The following CTCF variants were observed in gnomAD, a reference collection of about 807,000 sequenced individuals.
The protein encoded by CTCF is transcriptional repressor CTCF.
A neutral mutation model predicts 72.3 loss-of-function variants in CTCF; 7 were observed. The observed-to-expected ratio is 0.10, with a 90% confidence interval of 0.06 to 0.18. The LOEUF (loss-of-function observed/expected upper bound fraction) is 0.18. CTCF is among the 10% of genes least tolerant of loss of function. CTCF has a pLI of 1.00. For missense variants in CTCF, 516 were observed against 949.1 expected (o/e 0.54, Z 6.00); for synonymous variants, 374 against 315.8 (o/e 1.18, Z -1.95).
rs1403870308 is a variant in CTCF at position 67,576,923 on chromosome 16, CAA to C, written c.-10+5660_-10+5661del. On this transcript the variant is annotated intron_variant, in intron 2 of 11. Transcript: ENST00000264010. Reference sequence around the variant, plus strand: ...AGTACAAAGAAAGCAGATTATCAAACAATATGTATGGTATGATCTCGTGAGAG... The same window carrying C: ...AGTACAAAGAAAGCAGATTATCAAACTATGTATGGTATGATCTCGTGAGAG... Among the ~76,000 whole-genome samples, 3 of 152,004 alleles carry C rather than the reference CAA, an allele frequency of 2.0e-5. No homozygotes were observed. The East Asian group carries it at 5.8e-4, about 29-fold the overall frequency.
intron 10 of CTCF, among the ~76,000 whole-genome samples, chr16:67,631,028 G>A (rs905903379): frequency 6.6e-6 from 1 of 152,128 alleles, no homozygotes; most frequent in African/African-American, 2.4e-5. Context: ...TGATAGTCTA[G>A]GGATTCTTCA....
intron 2 of CTCF, among the ~76,000 whole-genome samples, chr16:67,597,239 T>A (rs1172679531): frequency 6.6e-6 from 1 of 152,130 alleles, no homozygotes; most frequent in African/African-American, 2.4e-5. Context: ...TATCTCCATG[T>A]TTCCCAAGCC....
In CTCF at chr16:67,611,576, T is replaced by C; in HGVS notation, c.744T>C (p.Asn248=). 1 of 1,613,952 alleles carries C rather than the reference T, an allele frequency of 6.2e-7. No homozygotes were observed. Among genetic ancestry groups the C allele is most frequent in the East Asian group, 2.2e-5 (1 of 44,886 alleles). ...SEVNAEKVVG[N]MKPPKPTKIK... ...TTAATGCAGAGAAAGTGGTTGGTAA[T>C]ATGAAGCCTCCAAAGCCAACAAAAA... Residue 248 remains asparagine (N), a synonymous_variant, in exon 3 of 12, where the codon AAT becomes AAC. Coordinates refer to ENST00000264010, the MANE Select transcript of CTCF (RefSeq NM_006565.4).
At chr16:67,610,647 C>G (rs2052049448) in intron 2 of CTCF, 177 bp from the exon 3 acceptor site, 2 of 351,032 alleles carry the variant, frequency 5.7e-6, no homozygotes, top group East Asian at 9.3e-5. Flanking sequence ...AGCCACTGCA[C>G]CTGGCCAGTA....
Position 67,628,358 on chromosome 16 carries a change from A to T in CTCF, c.1519-12A>T, listed in dbSNP as rs368261855. Reference sequence around the variant, plus strand: ...AGCAGGCTCTGAGGCCTTTCCCCCTATGCCGTTTCAGGAGAGGCACATGAT... The same window carrying T: ...AGCAGGCTCTGAGGCCTTTCCCCCTTTGCCGTTTCAGGAGAGGCACATGAT... On this transcript the variant is annotated splice_polypyrimidine_tract_variant and intron_variant, in intron 8 of 11. Coordinates refer to ENST00000264010, the MANE Select transcript of CTCF (RefSeq NM_006565.4). 2.5e-6 allele frequency: 4 copies of T among 1,611,532 alleles called. No individual in the cohort carries two copies. Among genetic ancestry groups the T allele is most frequent in the Non-Finnish European group, 3.4e-6 (4 of 1,177,870 alleles).
intron 6 of CTCF, chr16:67,621,123 T>G (rs913712612): frequency 3.8e-5 from 14 of 365,088 alleles, no homozygotes; most frequent in Non-Finnish European, 6.9e-5. Flanking sequence ...TAACCTACCT[T>G]ATTCAGTTTT....
At chr16:67,610,632 G>A in intron 2 of CTCF, 192 bp from the exon 3 acceptor site, 1 of 291,250 alleles carries the variant, frequency 3.4e-6, no homozygotes, top group Non-Finnish European at 6.3e-6. Flanking sequence ...GGGATTACAG[G>A]CGTGAGCCAC....
chr16:67,636,685 A>G lies in CTCF; in HGVS notation c.1838-5A>G. 6.3e-7 allele frequency: 1 copy of G among 1,583,118 alleles called. No homozygotes were observed. The highest frequency in any genetic ancestry group is 1.2e-5 in the South Asian group (1 of 84,992). The stretch of plus-strand genomic sequence containing the variant: ...ACCACCTGTGCTTCCTGATTTCATG[A>G]AAAGAAAATGCTGAACCAGATCTGG... On this transcript the variant is annotated splice_polypyrimidine_tract_variant and splice_region_variant and intron_variant, in intron 10 of 11. Coordinates refer to ENST00000264010, the MANE Select transcript of CTCF (RefSeq NM_006565.4).
In CTCF at chr16:67,584,331, A is replaced by AGTC. The variant is rs1328133614; in HGVS notation, c.-10+13068_-10+13070dup. On this transcript the variant is annotated intron_variant, in intron 2 of 11. Transcript: ENST00000264010. Reference sequence around the variant, plus strand: ...ACGGAACTCCTTCTCAAAAAAAAAAAGTCTTCTTTTTTTTTTTTTTTTTTT... The same window carrying AGTC: ...ACGGAACTCCTTCTCAAAAAAAAAAAGTCGTCTTCTTTTTTTTTTTTTTTTTTT... 5.7e-3 allele frequency among the ~76,000 whole-genome samples: 783 copies of AGTC among 138,398 alleles called. 7 individuals carry two copies. The highest frequency in any genetic ancestry group is 0.02 in the African/African-American group (699 of 34,494). 90.8% of individuals were successfully genotyped at this position (138,398 alleles called of 152,430 possible). A position where few individuals can be genotyped will look rare whatever the true frequency, so the allele number is the denominator to read the frequency against.
chr16:67,619,313 G>A (rs1027504368), intron 5 of CTCF, among the ~76,000 whole-genome samples: 2 of 152,104 alleles, frequency 1.3e-5, no homozygotes, highest in Non-Finnish European at 2.9e-5. Context: ...GCGTGCGCCT[G>A]TAGTCTCAGC....
chr16:67,635,357 G>C (rs1305524995), intron 10 of CTCF, among the ~76,000 whole-genome samples: 1 of 151,230 alleles, frequency 6.6e-6, no homozygotes, highest in African/African-American at 2.4e-5. Context: ...GTAGAGACGG[G>C]GTTTCACCAT....
At chr16:67,606,762 T>G (rs1016605444) in intron 2 of CTCF, among the ~76,000 whole-genome samples, 1 of 149,300 alleles carries the variant, frequency 6.7e-6, no homozygotes, top group Non-Finnish European at 1.5e-5. Context: ...TTGGGTTTTT[T>G]TTTTTTTTTT....
chr16:67,576,155 A>C (rs577314896), intron 2 of CTCF, among the ~76,000 whole-genome samples: 56 of 151,624 alleles, frequency 3.7e-4, no homozygotes, highest in African/African-American at 1.3e-3. Flanking sequence ...AAAAAAAAAA[A>C]AAAAAAACGG....
intron 1 of CTCF, among the ~76,000 whole-genome samples, chr16:67,569,676 T>A (rs953560679): frequency 5.3e-5 from 8 of 151,966 alleles, no homozygotes; most frequent in Non-Finnish European, 1.2e-4. Flanking sequence ...AAAGCTCCTT[T>A]TGCCAGTTAT....
chr16:67,596,022 C>T (rs113800555), intron 2 of CTCF, among the ~76,000 whole-genome samples: 38 of 151,646 alleles, frequency 2.5e-4, no homozygotes, highest in South Asian at 1.9e-3. Context: ...GGCATACTTT[C>T]GGCTCACTGC....
At chr16:67,627,847 G>A (rs2052311558) in intron 8 of CTCF, 1 of 151,424 alleles carries the variant, frequency 6.6e-6, no homozygotes, top group African/African-American at 2.5e-5. Context: ...GCTGAGGCAG[G>A]TGAATGGCAT....
At chr16:67,596,953 T>G (rs2051823440) in intron 2 of CTCF, among the ~76,000 whole-genome samples, 1 of 152,196 alleles carries the variant, frequency 6.6e-6, no homozygotes, top group Non-Finnish European at 1.5e-5. Flanking sequence ...CTCTTATTAC[T>G]TAGGCTTCTA....
intron 2 of CTCF, among the ~76,000 whole-genome samples, chr16:67,574,616 A>G (rs1267880561): frequency 6.7e-6 from 1 of 148,218 alleles, no homozygotes; most frequent in East Asian, 2.0e-4. Context: ...TGCTGGGATT[A>G]CAGGCATGAA....
intron 2 of CTCF, among the ~76,000 whole-genome samples, chr16:67,578,299 A>G (rs911630763): frequency 7.3e-6 from 1 of 137,660 alleles, no homozygotes; most frequent in African/African-American, 2.7e-5. Flanking sequence ...AATTCTGCGT[A>G]TATTCAAATG....
Sources: gnomAD v4.1 joint callset for allele counts (sites outside exome capture counted in the v4.1 genomes callset) on GRCh38, gnomAD v4.1.1 for gene constraint, MANE v1.5 for transcripts, NCBI Gene and HGNC (gene_info 2026-07-23, HGNC 2026-07-21) for gene names.